Variants in ASIC2 observed in about 807,000 individuals in gnomAD.
ASIC2 encodes acid sensing ion channel subunit 2.
ASIC2 carries 25 observed loss-of-function variants against 57.3 expected under a neutral mutation model. The observed-to-expected ratio is 0.44, with a 90% CI of 0.32 to 0.61. The LOEUF (loss-of-function observed/expected upper bound fraction) is 0.61, where lower values mean the gene tolerates loss of function less well. Among genes scored for constraint, ASIC2 ranks in the 20% least tolerant of loss-of-function variants. The pLI, the probability that ASIC2 is intolerant of heterozygous loss-of-function variation, is 0.06. For missense variants in ASIC2, 641 were observed against 738.1 expected (o/e 0.87, Z 1.52); for synonymous variants, 319 against 307.5 (o/e 1.04, Z -0.39).
intron 1 of ASIC2, among the ~76,000 whole-genome samples, chr17:33,884,078 G>A (rs1181905684): frequency 6.6e-6 from 1 of 152,180 alleles, no homozygotes; most frequent in Admixed American, 6.5e-5. Context: ...GCACACCTAT[G>A]GTCATGGCCA....
intron 1 of ASIC2, among the ~76,000 whole-genome samples, chr17:33,461,464 G>C (rs528079562): frequency 6.6e-6 from 1 of 152,078 alleles, no homozygotes; most frequent in African/African-American, 2.4e-5. Flanking sequence ...ATTCCCCAGG[G>C]CCCTGCTTCT....
At chr17:33,062,827 T>C (rs1429470632) in intron 3 of ASIC2, among the ~76,000 whole-genome samples, 2 of 151,418 alleles carry the variant, frequency 1.3e-5, no homozygotes, top group Non-Finnish European at 2.9e-5. Flanking sequence ...AAGGACTTGC[T>C]TTATGAATCT....
chr17:33,331,772 A>G (rs1907319853), intron 1 of ASIC2, among the ~76,000 whole-genome samples: 2 of 152,196 alleles, frequency 1.3e-5, no homozygotes, highest in South Asian at 4.1e-4. Flanking sequence ...ACATCAACCT[A>G]TTGTTATCCC....
intron 1 of ASIC2, among the ~76,000 whole-genome samples, chr17:33,809,064 A>G (rs1344703960): frequency 6.6e-6 from 1 of 152,192 alleles, no homozygotes; most frequent in Non-Finnish European, 1.5e-5. Context: ...CTCTGGGATC[A>G]GTGGGTTCAT....
intron 1 of ASIC2, among the ~76,000 whole-genome samples, chr17:33,897,545 T>C (rs1479878397): frequency 6.6e-6 from 1 of 152,244 alleles, no homozygotes; most frequent in East Asian, 1.9e-4. Flanking sequence ...ATATTGACTT[T>C]AGCTAGAAAT....
intron 1 of ASIC2, among the ~76,000 whole-genome samples, chr17:34,044,316 T>C (rs898075845): frequency 2.6e-5 from 4 of 152,136 alleles, no homozygotes; most frequent in Non-Finnish European, 5.9e-5. Context: ...CCCCAGAGCA[T>C]CCTTTACATA....
Position 33,938,203 on chromosome 17 carries a change from G to A in ASIC2, c.555+217775C>T, listed in dbSNP as rs576254507. Among the ~76,000 whole-genome samples, 52 of 152,194 alleles carry A rather than the reference G, an allele frequency of 3.4e-4. 1 individual carries two copies. Among genetic ancestry groups the A allele is most frequent in the African/African-American group, 1.2e-3 (50 of 41,520 alleles). On this transcript the variant is annotated intron_variant, in intron 1 of 9. Transcript: ENST00000359872. Reference sequence around the variant, plus strand: ...GGAGTTTGGAGGGATGCCCTAAACGGGACAAAAAGGGGTTACTGGGGATCA... The same window carrying A: ...GGAGTTTGGAGGGATGCCCTAAACGAGACAAAAAGGGGTTACTGGGGATCA...
intron 1 of ASIC2, among the ~76,000 whole-genome samples, chr17:33,129,386 C>T (rs1053644179): frequency 1.3e-4 from 20 of 152,048 alleles, no homozygotes; most frequent in Non-Finnish European, 2.4e-4. Flanking sequence ...AGAAAATAGC[C>T]GATTTAGAGA....
intron 1 of ASIC2, among the ~76,000 whole-genome samples, chr17:33,448,413 G>A (rs1261154945): frequency 6.6e-6 from 1 of 152,144 alleles, no homozygotes; most frequent in African/African-American, 2.4e-5. Flanking sequence ...AATAAATTAA[G>A]GATCTCGAGA....
chr17:33,672,656 G>C (rs1250881437), intron 1 of ASIC2, among the ~76,000 whole-genome samples: 1 of 152,168 alleles, frequency 6.6e-6, no homozygotes, highest in Admixed American at 6.5e-5. Flanking sequence ...CCAAGAGATA[G>C]CTTTGACTTT....
At chr17:33,257,249 AC>A (rs1909115169) in intron 1 of ASIC2, among the ~76,000 whole-genome samples, 1 of 152,188 alleles carries the variant, frequency 6.6e-6, no homozygotes. Flanking sequence ...GGCCTCACTG[AC>A]CAGGTGCCCT....
chr17:33,436,526 A>G (rs1911613792), intron 1 of ASIC2, among the ~76,000 whole-genome samples: 1 of 152,034 alleles, frequency 6.6e-6, no homozygotes, highest in Non-Finnish European at 1.5e-5. Flanking sequence ...CCAGAGAACG[A>G]CTCAGCATAT....
chr17:33,448,550 G>C (rs1311038283), intron 1 of ASIC2, among the ~76,000 whole-genome samples: 2 of 152,172 alleles, frequency 1.3e-5, no homozygotes, highest in African/African-American at 2.4e-5. Context: ...GCAGATACTG[G>C]AGTGATGTGG....
At chr17:34,065,295 A>G (rs191078994) in intron 1 of ASIC2, among the ~76,000 whole-genome samples, 1 of 152,308 alleles carries the variant, frequency 6.6e-6, no homozygotes, top group Admixed American at 6.5e-5. Flanking sequence ...CACACATCGT[A>G]TGTTCTCACT....
intron 1 of ASIC2, among the ~76,000 whole-genome samples, chr17:33,587,551 A>G (rs148975472): frequency 6.6e-6 from 1 of 152,350 alleles, no homozygotes; most frequent in East Asian, 1.9e-4. Context: ...AGTGATTGAC[A>G]AGAAGGTGAT....
At chr17:33,890,884 G>A (rs1470432576) in intron 1 of ASIC2, among the ~76,000 whole-genome samples, 1 of 136,620 alleles carries the variant, frequency 7.3e-6, no homozygotes, top group Non-Finnish European at 1.5e-5. Context: ...TCAGCACTCT[G>A]CAGGCTGGAG....
intron 1 of ASIC2, among the ~76,000 whole-genome samples, chr17:33,557,221 C>T (rs1288309794): frequency 6.8e-6 from 1 of 146,096 alleles, no homozygotes; most frequent in Non-Finnish European, 1.5e-5. Flanking sequence ...AGTAACTTAT[C>T]TAGTCCCTAG....
chr17:33,274,719 A>G (rs183103295), intron 1 of ASIC2, among the ~76,000 whole-genome samples: 63 of 152,294 alleles, frequency 4.1e-4, no homozygotes, highest in African/African-American at 1.5e-3. Flanking sequence ...AAATTTCCCC[A>G]GATGATTTCT....
At chr17:33,509,121 C>T (rs1475983796) in intron 1 of ASIC2, among the ~76,000 whole-genome samples, 1 of 152,122 alleles carries the variant, frequency 6.6e-6, no homozygotes, top group Admixed American at 6.5e-5. Context: ...GCATCTGGCA[C>T]AGGGTAAGTG....
Sources: allele counts gnomAD v4.1 joint callset (sites outside exome capture counted in the v4.1 genomes callset), GRCh38; gene constraint gnomAD v4.1.1; transcripts MANE v1.5; gene names NCBI Gene and HGNC (gene_info 2026-07-23, HGNC 2026-07-21).